Variants in ADAMTSL3 observed in about 807,000 individuals in gnomAD.
The protein encoded by ADAMTSL3 is ADAMTS-like protein 3.
In ADAMTSL3, 128 loss-of-function variants were observed where a neutral mutation model predicts 201.7. The observed-to-expected ratio is 0.63, with a 90% CI of 0.55 to 0.73. The LOEUF (loss-of-function observed/expected upper bound fraction) is 0.73. Among genes scored for constraint, ADAMTSL3 ranks in the 30% least tolerant of loss-of-function variants. The pLI is 0.00. For missense variants in ADAMTSL3, 1,990 were observed against 2,119.6 expected, an observed-to-expected ratio of 0.94 and a Z score of 1.20; for synonymous variants, 738 against 748.4, an observed-to-expected ratio of 0.99 and a Z score of 0.23.
intron 7 of ADAMTSL3, among the ~76,000 whole-genome samples, chr15:83,846,644 C>T (rs529432115): frequency 6.6e-6 from 1 of 152,326 alleles, no homozygotes; most frequent in East Asian, 1.9e-4. Flanking sequence ...ATGTTCTAAT[C>T]CTCAGGCCCC....
intron 3 of ADAMTSL3, among the ~76,000 whole-genome samples, chr15:83,734,770 T>C (rs2554386): frequency 0.84 from 127,471 of 152,122 alleles, 53,910 homozygotes; most frequent in East Asian, 0.96. Flanking sequence ...TATGCCCAGA[T>C]TGCCCCCAGG....
chr15:83,683,483 G>C (rs962485076), intron 2 of ADAMTSL3, among the ~76,000 whole-genome samples: 1 of 151,916 alleles, frequency 6.6e-6, no homozygotes, highest in African/African-American at 2.4e-5. Flanking sequence ...TTTCTCCTTC[G>C]TTGGACTTCC....
intron 19 of ADAMTSL3, among the ~76,000 whole-genome samples, chr15:83,966,379 A>C (rs922919387): frequency 2.6e-5 from 4 of 152,232 alleles, no homozygotes; most frequent in African/African-American, 9.6e-5. Flanking sequence ...ACAAACTATC[A>C]TCAGAGAATA....
intron 4 of ADAMTSL3, among the ~76,000 whole-genome samples, chr15:83,780,198 T>A (rs1253956015): frequency 6.6e-6 from 1 of 151,858 alleles, no homozygotes; most frequent in Non-Finnish European, 1.5e-5. Context: ...TCCCCTGAGG[T>A]CAGGAATTCA....
At chr15:83,680,562 A>G (rs962159483) in intron 2 of ADAMTSL3, among the ~76,000 whole-genome samples, 1 of 150,610 alleles carries the variant, frequency 6.6e-6, no homozygotes, top group Non-Finnish European at 1.5e-5. Flanking sequence ...ATGTCTTTAA[A>G]TATTTTTTCT....
chr15:83,887,931 A>G (rs1255240364), intron 10 of ADAMTSL3, among the ~76,000 whole-genome samples: 1 of 152,058 alleles, frequency 6.6e-6, no homozygotes, highest in Non-Finnish European at 1.5e-5. Flanking sequence ...CTTTGTTCTT[A>G]CACATAGTCA....
intron 10 of ADAMTSL3, 80 bp from the exon 11 acceptor site, chr15:83,890,029 A>T (rs1428665164): frequency 2.0e-6 from 3 of 1,480,748 alleles, no homozygotes; most frequent in Non-Finnish European, 2.7e-6. Flanking sequence ...GGAAAAAAAA[A>T]AGTGTGTGGC....
chr15:83,845,011 G>T (rs181746348), intron 7 of ADAMTSL3, among the ~76,000 whole-genome samples: 27 of 152,294 alleles, frequency 1.8e-4, no homozygotes, highest in Admixed American at 1.7e-3. Flanking sequence ...CTTTCTGGGA[G>T]ATTCCAGAAT....
In ADAMTSL3 at chr15:83,736,089, A is replaced by G. The variant is rs530501404; in HGVS notation, c.189+31581A>G. Among the ~76,000 whole-genome samples, 10 of 152,316 alleles carry G rather than the reference A, an allele frequency of 6.6e-5. No homozygotes were observed. In the South Asian group the frequency reaches 1.0e-3, roughly 16 times the overall value. On this transcript the variant is annotated intron_variant, in intron 3 of 29. Transcript: ENST00000286744. ...TACAAATTTTCCTCAGATTCATCCA[A>G]CATACCACCCTGTGTAATAAGCTAG...
intron 2 of ADAMTSL3, among the ~76,000 whole-genome samples, chr15:83,675,347 A>G (rs1305354950): frequency 2.0e-5 from 3 of 152,086 alleles, no homozygotes; most frequent in Admixed American, 6.5e-5. Flanking sequence ...TAATTATGTG[A>G]AATGCTCTTT....
At chr15:83,766,500 A>G (rs939545385) in intron 3 of ADAMTSL3, among the ~76,000 whole-genome samples, 8 of 152,228 alleles carry the variant, frequency 5.3e-5, no homozygotes, top group African/African-American at 1.9e-4. Context: ...AAAAGACTTC[A>G]TAGAGATATC....
intron 27 of ADAMTSL3, among the ~76,000 whole-genome samples, chr15:84,025,947 G>A (rs956521144): frequency 6.6e-6 from 1 of 152,112 alleles, no homozygotes; most frequent in Non-Finnish European, 1.5e-5. Context: ...CGAAGATGTC[G>A]ATTTCCTTAA....
chr15:83,810,326 G>C (rs1180855971), intron 5 of ADAMTSL3, among the ~76,000 whole-genome samples: 2 of 152,154 alleles, frequency 1.3e-5, no homozygotes, highest in Admixed American at 6.5e-5. Context: ...GTCCAGATGG[G>C]GCATGTAGGA....
At chr15:83,738,589 T>C (rs2062404960) in intron 3 of ADAMTSL3, among the ~76,000 whole-genome samples, 1 of 152,154 alleles carries the variant, frequency 6.6e-6, no homozygotes, top group African/African-American at 2.4e-5. Flanking sequence ...ATTAAATATG[T>C]ATGTTAGAAG....
intron 2 of ADAMTSL3, among the ~76,000 whole-genome samples, chr15:83,659,202 T>C (rs1488034935): frequency 1.3e-5 from 2 of 152,214 alleles, no homozygotes; most frequent in East Asian, 1.9e-4. Context: ...TTCATAGATA[T>C]CTACTGGAAC....
chr15:83,983,208 A>G lies in ADAMTSL3; in HGVS notation c.3580A>G (p.Ile1194Val), dbSNP rs952130466. Residue 1194 changes from isoleucine to valine, a missense_variant, in exon 21 of 30, where the codon ATA becomes GTA. By Grantham distance (29) the Ile-to-Val change is conservative (BLOSUM62 3). Transcript: ENST00000286744. ...QPPSISFNKT[I>V]NSRIGNTVYI... ...TCCCTCAATTTCATTTAATAAAACA[A>G]TAAATTCCAGGATTGGAAATACAGT... 1.9e-6 allele frequency: 3 copies of G among 1,614,070 alleles called. No homozygotes were observed. Among genetic ancestry groups the G allele is most frequent in the Non-Finnish European group, 2.5e-6 (3 of 1,179,964 alleles).
intron 6 of ADAMTSL3, among the ~76,000 whole-genome samples, chr15:83,833,242 C>T (rs1180767424): frequency 1.3e-5 from 2 of 152,058 alleles, no homozygotes; most frequent in Non-Finnish European, 2.9e-5. Flanking sequence ...ATATTAACAA[C>T]AGAAATTTAT....
At chr15:83,822,679 C>T (rs1285584987) in intron 6 of ADAMTSL3, among the ~76,000 whole-genome samples, 1 of 150,322 alleles carries the variant, frequency 6.7e-6, no homozygotes, top group African/African-American at 2.5e-5. Context: ...GATGGGATGG[C>T]GGCCGGGCAG....
intron 2 of ADAMTSL3, among the ~76,000 whole-genome samples, chr15:83,656,655 A>G (rs896944571): frequency 1.3e-5 from 2 of 152,214 alleles, no homozygotes; most frequent in African/African-American, 4.8e-5. Flanking sequence ...GGCACATCTT[A>G]GTATTGTGTC....
Sources: gnomAD v4.1 joint callset for allele counts (sites outside exome capture counted in the v4.1 genomes callset) on GRCh38, gnomAD v4.1.1 for gene constraint, MANE v1.5 for transcripts, NCBI Gene and HGNC (gene_info 2026-07-23, HGNC 2026-07-21) for gene names.